The following RBFOX1 variants were observed in gnomAD, a reference collection of about 807,000 sequenced individuals.
RBFOX1 encodes RNA binding fox-1 homolog 1, also known as RNA binding protein fox-1 homolog 1.
Under a neutral mutation model 57.7 loss-of-function variants are expected in RBFOX1, and 8 were observed. That is an observed-to-expected ratio of 0.14 (90% CI 0.08 to 0.25). The LOEUF (loss-of-function observed/expected upper bound fraction) is 0.25. RBFOX1 is among the 10% of genes least tolerant of loss of function. RBFOX1 has a pLI of 1.00. For missense variants in RBFOX1, 611 were observed against 548.5 expected, an observed-to-expected ratio of 1.11 and a Z score of -1.14; for synonymous variants, 326 against 222.4, an observed-to-expected ratio of 1.47 and a Z score of -4.15.
chr16:6,664,221 G>A (rs528988575), intron 3 of RBFOX1, among the ~76,000 whole-genome samples: 10 of 152,204 alleles, frequency 6.6e-5, no homozygotes, highest in East Asian at 1.9e-4. Context: ...TTGCTGTGTC[G>A]CTTGGCTTTT....
intron 3 of RBFOX1, among the ~76,000 whole-genome samples, chr16:5,753,417 T>C (rs2053283545): frequency 6.6e-6 from 1 of 152,198 alleles, no homozygotes; most frequent in Non-Finnish European, 1.5e-5. Flanking sequence ...TTGTGTAGAA[T>C]TTTGGCTGCG....
intron 4 of RBFOX1, among the ~76,000 whole-genome samples, chr16:7,447,430 C>CAA (rs202234230): frequency 0.33 from 32,098 of 98,018 alleles, 5,515 homozygotes; most frequent in Non-Finnish European, 0.43. Flanking sequence ...GAGTCTATCT[C>CAA]AAAAAAAAAA....
At chr16:5,668,259 C>T (rs2049909731) in intron 3 of RBFOX1, among the ~76,000 whole-genome samples, 1 of 152,006 alleles carries the variant, frequency 6.6e-6, no homozygotes, top group Admixed American at 6.6e-5. Context: ...CCAGCCTGGG[C>T]AACAGAGCGA....
At chr16:7,691,197 A>G (rs1336943528) in intron 14 of RBFOX1, among the ~76,000 whole-genome samples, 2 of 137,346 alleles carry the variant, frequency 1.5e-5, no homozygotes, top group Non-Finnish European at 3.3e-5. Context: ...TGTCACTATT[A>G]TTGAGAACTC....
intron 1 of RBFOX1, among the ~76,000 whole-genome samples, chr16:5,393,767 C>CTATA (rs895251351): frequency 6.6e-6 from 1 of 152,128 alleles, no homozygotes; most frequent in Admixed American, 6.5e-5. Flanking sequence ...AGTTCATTGG[C>CTATA]TATAAGTCTG....
At chr16:5,850,099 A>C (rs1230930726) in intron 3 of RBFOX1, among the ~76,000 whole-genome samples, 2 of 152,104 alleles carry the variant, frequency 1.3e-5, no homozygotes, top group Non-Finnish European at 2.9e-5. Context: ...CCAGGCTGGG[A>C]GTCTGGGTTC....
chr16:6,100,178 T>A (rs1219847829), intron 1 of RBFOX1, among the ~76,000 whole-genome samples: 2 of 152,186 alleles, frequency 1.3e-5, no homozygotes, highest in East Asian at 1.9e-4. Flanking sequence ...GTTGTTGTTT[T>A]TTGAGACGGA....
intron 4 of RBFOX1, among the ~76,000 whole-genome samples, chr16:7,272,485 C>G (rs1455876623): frequency 1.3e-5 from 2 of 152,130 alleles, no homozygotes; most frequent in Non-Finnish European, 2.9e-5. Context: ...TGCCTGGCAC[C>G]CGTTTCCCTA....
chr16:7,180,212 A>G (rs929699649), intron 4 of RBFOX1, among the ~76,000 whole-genome samples: 2 of 152,186 alleles, frequency 1.3e-5, no homozygotes, highest in African/African-American at 2.4e-5. Context: ...TTTATATAGC[A>G]TTTACTGTAT....
chr16:7,689,227 C>G (rs1340327853), intron 14 of RBFOX1, among the ~76,000 whole-genome samples: 2 of 152,116 alleles, frequency 1.3e-5, no homozygotes, highest in East Asian at 3.9e-4. Context: ...ACAGCCTTCT[C>G]CCTTAAACTC....
chr16:5,856,329 G>A (rs1447337002), intron 3 of RBFOX1, among the ~76,000 whole-genome samples: 8 of 31,738 alleles, frequency 2.5e-4, no homozygotes, highest in Non-Finnish European at 5.0e-4. Context: ...AGGGAAAACT[G>A]TTATATTATA....
intron 1 of RBFOX1, among the ~76,000 whole-genome samples, chr16:5,425,789 C>A (rs1254397468): frequency 6.6e-6 from 1 of 152,162 alleles, no homozygotes; most frequent in Non-Finnish European, 1.5e-5. Flanking sequence ...TCACCTGGAA[C>A]CCCCCACGTC....
intron 2 of RBFOX1, among the ~76,000 whole-genome samples, chr16:6,612,860 A>AAAAAAT (rs1555612719): frequency 3.6e-5 from 1 of 27,856 alleles, no homozygotes; most frequent in Non-Finnish European, 9.2e-5. Context: ...AAAAAAAAAA[A>AAAAAAT]AAAAATAATA....
intron 3 of RBFOX1, among the ~76,000 whole-genome samples, chr16:6,755,596 A>G (rs914029171): frequency 6.6e-6 from 1 of 152,184 alleles, no homozygotes; most frequent in South Asian, 2.1e-4. Flanking sequence ...GTGTTGTTTC[A>G]GTGTTTTATC....
chr16:7,660,221 T>C (rs1568332047), intron 12 of RBFOX1, among the ~76,000 whole-genome samples: 1 of 152,204 alleles, frequency 6.6e-6, no homozygotes, highest in Non-Finnish European at 1.5e-5. Flanking sequence ...TAACTACTGG[T>C]ATTACTTTTC....
At chr16:5,864,919 A>G (rs527936888) in intron 3 of RBFOX1, among the ~76,000 whole-genome samples, 216 of 152,306 alleles carry the variant, frequency 1.4e-3, no homozygotes, top group African/African-American at 5.0e-3. Flanking sequence ...TAGTCATTAT[A>G]CTTTTTAAAA....
intron 4 of RBFOX1, among the ~76,000 whole-genome samples, chr16:7,190,482 T>A (rs2085100546): frequency 6.6e-6 from 1 of 152,022 alleles, no homozygotes; most frequent in Non-Finnish European, 1.5e-5. Flanking sequence ...TTTTTACATA[T>A]CATCCAGGCA....
At chr16:5,988,560 C>T (rs2060326735) in intron 4 of RBFOX1, among the ~76,000 whole-genome samples, 1 of 152,164 alleles carries the variant, frequency 6.6e-6, no homozygotes, top group Admixed American at 6.5e-5. Flanking sequence ...TACCCCCTTC[C>T]TGCCACCCTG....
At chr16:6,786,609 T>C (rs1488771365) in intron 3 of RBFOX1, among the ~76,000 whole-genome samples, 2 of 152,178 alleles carry the variant, frequency 1.3e-5, no homozygotes, top group Non-Finnish European at 2.9e-5. Flanking sequence ...GTTCCCCTGA[T>C]CCTTATGAAG....
Sources: gnomAD v4.1 joint callset for allele counts (sites outside exome capture counted in the v4.1 genomes callset) on GRCh38, gnomAD v4.1.1 for gene constraint, MANE v1.5 for transcripts, NCBI Gene and HGNC (gene_info 2026-07-23, HGNC 2026-07-21) for gene names.